The following DDX31 variants were observed in gnomAD, a reference collection of about 807,000 sequenced individuals.
The protein encoded by DDX31 is ATP-dependent DNA helicase DDX31.
Under a neutral mutation model 91.3 loss-of-function variants are expected in DDX31, and 70 were observed. The ratio of observed to expected loss-of-function variants is 0.77; its 90% CI spans 0.63 to 0.94. DDX31 has a LOEUF of 0.94. Among genes scored for constraint, DDX31 ranks in the 40% least tolerant of loss-of-function variants. The probability of loss-of-function intolerance (pLI) is 0.00; values close to 1 mark genes in which losing one functional copy is unlikely to be tolerated. For synonymous variants in DDX31, 362 were observed against 350.6 expected (o/e 1.03, Z -0.36); for missense variants, 902 against 925.0 (o/e 0.98, Z 0.32).
At position 132,662,380 on chromosome 9, in the gene DDX31, A is replaced by G; in HGVS notation, c.333-44T>C. 4 of 1,614,022 alleles carry G rather than the reference A, an allele frequency of 2.5e-6. No individual in the cohort carries two copies. The South Asian group carries it at 4.4e-5, about 18-fold the overall frequency. On this transcript the variant is annotated intron_variant, in intron 2 of 19. Transcript: ENST00000372159. The stretch of plus-strand genomic sequence containing the variant: ...AACCCAGGCATCAGTGCCAATATTA[A>G]CAAAGAAAAGGCAGAACACATTTTT...
intron 13 of DDX31, among the ~76,000 whole-genome samples, chr9:132,642,379 C>A (rs1173152399): frequency 1.3e-5 from 2 of 152,200 alleles, no homozygotes; most frequent in South Asian, 4.1e-4. Flanking sequence ...GCATGCAGGG[C>A]TTCAAGCCTG....
In DDX31 at chr9:132,595,031, G is replaced by C. The variant is rs745675409; in HGVS notation, c.2076C>G (p.Ala692=). 18 of 1,614,204 alleles carry C rather than the reference G, an allele frequency of 1.1e-5. No homozygotes were observed. The highest frequency in any genetic ancestry group is 1.4e-5 in the Non-Finnish European group (17 of 1,180,048). Residue 692 remains alanine (A), a synonymous_variant, in exon 20 of 20, where the codon GCC becomes GCG. Coordinates refer to ENST00000372159, the MANE Select transcript of DDX31 (RefSeq NM_022779.9). This position sits in a 1 kb window ranked among gnomAD's most constrained non-coding sequence, Gnocchi z 4.6. The part of the protein sequence containing the change: ...LRSEYSSGME[A]DIAKVKKQNA... The stretch of plus-strand genomic sequence containing the variant: ...TTTGCTTTTTGACCTTGGCGATGTC[G>C]GCCTCCATGCCGCTTGAGTATTCCG...
intron 14 of DDX31, among the ~76,000 whole-genome samples, chr9:132,632,913 A>G (rs931109597): frequency 1.3e-5 from 2 of 152,192 alleles, no homozygotes; most frequent in Admixed American, 1.3e-4. Context: ...ATTCTAGCAG[A>G]CCAGAAAGTG....
intron 13 of DDX31, among the ~76,000 whole-genome samples, chr9:132,643,742 G>A (rs1214566365): frequency 1.3e-5 from 2 of 152,180 alleles, no homozygotes; most frequent in Non-Finnish European, 2.9e-5. Context: ...CTGTGTTCCG[G>A]AGTCAGTGCT....
At chr9:132,618,103 C>T (rs1589996212) in intron 18 of DDX31, among the ~76,000 whole-genome samples, 1 of 152,176 alleles carries the variant, frequency 6.6e-6, no homozygotes, top group South Asian at 2.1e-4. Flanking sequence ...AAGATAAAGC[C>T]TCATTTGTGC....
At chr9:132,648,331 T>C (rs1833963168) in intron 10 of DDX31, 36 bp from the exon 11 acceptor site, 4 of 1,604,760 alleles carry the variant, frequency 2.5e-6, no homozygotes, top group African/African-American at 1.3e-5. Flanking sequence ...TTTTCAACTA[T>C]ATGAAGAGCA....
intron 17 of DDX31, among the ~76,000 whole-genome samples, chr9:132,620,843 C>A (rs1228314733): frequency 1.5e-5 from 2 of 135,754 alleles, no homozygotes; most frequent in East Asian, 3.9e-4. Flanking sequence ...CTCCCACCCT[C>A]CAAGACACAG....
intron 19 of DDX31, among the ~76,000 whole-genome samples, chr9:132,605,253 C>G (rs886829952): frequency 6.6e-6 from 1 of 152,210 alleles, no homozygotes; most frequent in Non-Finnish European, 1.5e-5. Flanking sequence ...TTACCGAGCA[C>G]CTACTGCGTG....
At chr9:132,630,990 C>A (rs1832682673) in intron 15 of DDX31, among the ~76,000 whole-genome samples, 1 of 152,228 alleles carries the variant, frequency 6.6e-6, no homozygotes, top group East Asian at 1.9e-4. Flanking sequence ...AGAATGCGGG[C>A]AGGTGAGGGG....
In DDX31 at chr9:132,650,457, C is replaced by T. The variant is rs140959704; in HGVS notation, c.676-159G>A. On this transcript the variant is annotated intron_variant, in intron 8 of 19. Coordinates refer to ENST00000372159, the MANE Select transcript of DDX31 (RefSeq NM_022779.9). Reference sequence around the variant, plus strand: ...CAGACACAATTCCTAGGCATTGCTACACCCATGTTCACTATCAGCAGTAAC... The same window carrying T: ...CAGACACAATTCCTAGGCATTGCTATACCCATGTTCACTATCAGCAGTAAC... Among the ~76,000 whole-genome samples the T allele has an allele frequency of 4.1e-3, 619 of 152,316 alleles. 4 individuals carry two copies. The highest frequency in any genetic ancestry group is 0.014 in the African/African-American group (565 of 41,550).
chr9:132,647,875 C>A (rs1833932655), intron 11 of DDX31, among the ~76,000 whole-genome samples: 1 of 152,138 alleles, frequency 6.6e-6, no homozygotes, highest in South Asian at 2.1e-4. Context: ...AAGGGCCCTG[C>A]TCTCCATGGG....
At chr9:132,650,892 G>T (rs1834140738) in intron 8 of DDX31, among the ~76,000 whole-genome samples, 183 bp downstream of exon 8, 1 of 152,206 alleles carries the variant, frequency 6.6e-6, no homozygotes. Flanking sequence ...TGATAATTCA[G>T]CTAAGCTAGA....
chr9:132,646,575 A>T (rs942374194), intron 12 of DDX31, among the ~76,000 whole-genome samples: 1 of 152,156 alleles, frequency 6.6e-6, no homozygotes, highest in African/African-American at 2.4e-5. Flanking sequence ...GATGTTCCTA[A>T]TATCAGTCCC....
intron 1 of DDX31, among the ~76,000 whole-genome samples, chr9:132,668,263 G>A (rs1417477193): frequency 2.0e-5 from 3 of 152,104 alleles, no homozygotes; most frequent in Non-Finnish European, 4.4e-5. Context: ...TTCAGTTACT[G>A]CTTAAGTTAA....
At chr9:132,616,733 T>G (rs868575197) in intron 18 of DDX31, among the ~76,000 whole-genome samples, 2 of 151,946 alleles carry the variant, frequency 1.3e-5, no homozygotes, top group Non-Finnish European at 2.9e-5. Flanking sequence ...GGAAAACCCT[T>G]GGGAATTGTT....
At chr9:132,664,797 G>A (rs946557918) in intron 1 of DDX31, among the ~76,000 whole-genome samples, 1 of 150,816 alleles carries the variant, frequency 6.6e-6, no homozygotes, top group Non-Finnish European at 1.5e-5. Flanking sequence ...ACCAGCTTCA[G>A]CTTTACTCTC....
intron 19 of DDX31, among the ~76,000 whole-genome samples, chr9:132,608,708 C>T (rs1831161866): frequency 6.6e-6 from 1 of 152,122 alleles, no homozygotes; most frequent in South Asian, 2.1e-4. Flanking sequence ...TTTTATTCAC[C>T]CATACAAAAC....
intron 9 of DDX31, 26 bp downstream of exon 9, chr9:132,650,208 A>C (rs374223083): frequency 3.7e-6 from 6 of 1,611,396 alleles, no homozygotes; most frequent in Non-Finnish European, 5.1e-6. Context: ...CAAGAAGGAA[A>C]CAACAACCAA....
At chr9:132,625,360 G>A (rs1271899751) in intron 17 of DDX31, among the ~76,000 whole-genome samples, 3 of 152,144 alleles carry the variant, frequency 2.0e-5, no homozygotes, top group Non-Finnish European at 4.4e-5. Flanking sequence ...CACCGGGGCT[G>A]AGCGTGTGGC....
Sources: gnomAD v4.1 joint callset for allele counts (sites outside exome capture counted in the v4.1 genomes callset) on GRCh38, gnomAD v4.1.1 for gene constraint, Gnocchi (gnomAD v3.1) non-coding constraint, MANE v1.5 for transcripts, NCBI Gene and HGNC (gene_info 2026-07-23, HGNC 2026-07-21) for gene names.